The following SLC10A7 variants were observed in gnomAD, a reference collection of about 807,000 sequenced individuals.
SLC10A7 encodes the protein solute carrier family 10 member 7.
Under a neutral mutation model 43.2 loss-of-function variants are expected in SLC10A7, and 29 were observed. The ratio of observed to expected loss-of-function variants is 0.67; its 90% CI spans 0.50 to 0.92. The LOEUF (loss-of-function observed/expected upper bound fraction) is 0.92, where lower values mean the gene tolerates loss of function less well. Among genes scored for constraint, SLC10A7 ranks in the 40% least tolerant of loss-of-function variants. The pLI, the probability that SLC10A7 is intolerant of heterozygous loss-of-function variation, is 0.00. For missense variants in SLC10A7, 295 were observed against 403.2 expected (o/e 0.73, Z 2.30); for synonymous variants, 152 against 144.8 (o/e 1.05, Z -0.35).
intron 6 of SLC10A7, among the ~76,000 whole-genome samples, chr4:146,309,853 G>A (rs1311164728): frequency 1.3e-5 from 2 of 151,980 alleles, no homozygotes; most frequent in East Asian, 1.9e-4. Context: ...GGGGGTACAC[G>A]TGCAAGTTTG....
intron 5 of SLC10A7, among the ~76,000 whole-genome samples, chr4:146,381,366 C>T (rs975654153): frequency 1.3e-5 from 2 of 152,042 alleles, no homozygotes; most frequent in Non-Finnish European, 2.9e-5. Flanking sequence ...TCCCCTCACC[C>T]CCAGAAATCT....
intron 5 of SLC10A7, among the ~76,000 whole-genome samples, chr4:146,394,233 T>C (rs904629718): frequency 1.3e-5 from 2 of 152,230 alleles, no homozygotes; most frequent in South Asian, 2.1e-4. Context: ...CTGATTTAAG[T>C]CTTTATTTCA....
intron 5 of SLC10A7, among the ~76,000 whole-genome samples, chr4:146,355,989 T>C (rs894939054): frequency 2.7e-5 from 4 of 149,934 alleles, no homozygotes; most frequent in Middle Eastern, 3.5e-3. Flanking sequence ...TGTATACATA[T>C]GTAACTAACC....
chr4:146,264,459 C>A (rs1395297992), intron 10 of SLC10A7, among the ~76,000 whole-genome samples: 2 of 151,986 alleles, frequency 1.3e-5, no homozygotes. Flanking sequence ...TATGTTCCTA[C>A]CATTCATTCA....
chr4:146,486,486 T>A (rs1043571664), intron 4 of SLC10A7, among the ~76,000 whole-genome samples: 1 of 152,216 alleles, frequency 6.6e-6, no homozygotes, highest in Admixed American at 6.5e-5. Context: ...TACATACCAA[T>A]AAGGTTTCTA....
Position 146,521,642 on chromosome 4 carries a change from C to T in SLC10A7, c.76G>A (p.Glu26Lys). 1.2e-6 allele frequency: 2 copies of T among 1,614,176 alleles called. No homozygotes were observed. The highest frequency in any genetic ancestry group is 1.7e-6 in the Non-Finnish European group (2 of 1,180,018). ...IVLAIAGAKL[E>K]PSIGVNGGPL... ...CCCCCATTCACCCCTATGGACGGCT[C>T]CAGTTTAGCTCCAGCGATCGCCAGC... Residue 26 changes from glutamate (E) to lysine (K), a missense_variant, in exon 1 of 12, where the codon GAG becomes AAG. By Grantham distance (56) the Glu-to-Lys change is moderately conservative. Transcript: ENST00000335472.
chr4:146,513,376 T>C (rs536873556), intron 2 of SLC10A7, among the ~76,000 whole-genome samples: 4 of 152,162 alleles, frequency 2.6e-5, no homozygotes, highest in South Asian at 2.1e-4. Context: ...TACATTCACA[T>C]ACAATTTTAT....
chr4:146,395,458 A>G (rs1738757538), intron 5 of SLC10A7, among the ~76,000 whole-genome samples: 2 of 152,182 alleles, frequency 1.3e-5, no homozygotes, highest in Non-Finnish European at 2.9e-5. Flanking sequence ...TTATGTGTAC[A>G]TGGCTTCCTT....
chr4:146,366,730 A>G (rs1736417920), intron 5 of SLC10A7, among the ~76,000 whole-genome samples: 1 of 152,216 alleles, frequency 6.6e-6, no homozygotes, highest in Non-Finnish European at 1.5e-5. Context: ...TTGATGTAAT[A>G]GACATTTACT....
chr4:146,279,700 A>G (rs1393696587), intron 10 of SLC10A7, among the ~76,000 whole-genome samples: 2 of 152,146 alleles, frequency 1.3e-5, no homozygotes, highest in Non-Finnish European at 2.9e-5. Flanking sequence ...CACTTCCTTC[A>G]GGCCTCCTCT....
chr4:146,314,760 AGAG>A (rs990057081), intron 6 of SLC10A7, among the ~76,000 whole-genome samples: 2 of 152,030 alleles, frequency 1.3e-5, no homozygotes, highest in African/African-American at 4.8e-5. Context: ...ATGGCTGGAG[AGAG>A]GAGAAGTGTG....
At chr4:146,316,695 C>T (rs1732346716) in intron 6 of SLC10A7, among the ~76,000 whole-genome samples, 1 of 151,948 alleles carries the variant, frequency 6.6e-6, no homozygotes, top group Non-Finnish European at 1.5e-5. Context: ...TCACTGCTGG[C>T]CATGGTAAAC....
intron 4 of SLC10A7, among the ~76,000 whole-genome samples, chr4:146,472,867 C>T (rs780421644): frequency 2.0e-5 from 3 of 152,116 alleles, no homozygotes; most frequent in Non-Finnish European, 4.4e-5. Context: ...TGCCTTTTAA[C>T]TTTTTAAAGT....
intron 6 of SLC10A7, among the ~76,000 whole-genome samples, chr4:146,320,603 G>GT (rs1407522263): frequency 6.6e-6 from 1 of 152,062 alleles, no homozygotes; most frequent in Non-Finnish European, 1.5e-5. Flanking sequence ...CTGAAATAAA[G>GT]TGGAGGGCAA....
chr4:146,286,555 T>C (rs1379074616), intron 9 of SLC10A7, among the ~76,000 whole-genome samples: 1 of 148,734 alleles, frequency 6.7e-6, no homozygotes, highest in Non-Finnish European at 1.5e-5. Context: ...TGAGAAGGAC[T>C]GTGTTTCGAG....
At chr4:146,497,259 T>G (rs1735985427) in intron 4 of SLC10A7, among the ~76,000 whole-genome samples, 1 of 152,228 alleles carries the variant, frequency 6.6e-6, no homozygotes, top group Admixed American at 6.5e-5. Flanking sequence ...CTATAGTCAG[T>G]ACACTGCTAC....
intron 4 of SLC10A7, among the ~76,000 whole-genome samples, chr4:146,478,819 T>C (rs1223543377): frequency 6.6e-6 from 1 of 152,142 alleles, no homozygotes; most frequent in Non-Finnish European, 1.5e-5. Flanking sequence ...CAAGAAGAAA[T>C]GATATGAGCT....
At chr4:146,401,504 A>T (rs1014491376) in intron 5 of SLC10A7, among the ~76,000 whole-genome samples, 20 of 152,122 alleles carry the variant, frequency 1.3e-4, no homozygotes, top group African/African-American at 4.8e-4. Flanking sequence ...CTGGTGAGAG[A>T]CGGAATAAAG....
At chr4:146,269,846 C>A (rs748273068) in intron 10 of SLC10A7, among the ~76,000 whole-genome samples, 29 of 152,206 alleles carry the variant, frequency 1.9e-4, no homozygotes, top group Non-Finnish European at 3.2e-4. Context: ...GACACTGGAA[C>A]TTTCAGAAGG....
Sources: gnomAD v4.1 joint callset for allele counts (sites outside exome capture counted in the v4.1 genomes callset) on GRCh38, gnomAD v4.1.1 for gene constraint, MANE v1.5 for transcripts, NCBI Gene and HGNC (gene_info 2026-07-23, HGNC 2026-07-21) for gene names.